Variants in PRTFDC1 observed in about 807,000 individuals in gnomAD.
The protein encoded by PRTFDC1 is phosphoribosyl transferase domain containing 1, also known as phosphoribosyltransferase domain-containing protein 1.
A neutral mutation model predicts 34.6 loss-of-function variants in PRTFDC1; 38 were observed. The observed-to-expected ratio is 1.10, with a 90% CI of 0.85 to 1.44. The LOEUF is 1.44. Among genes scored for constraint, PRTFDC1 ranks in the 40% most tolerant of loss-of-function variants. The pLI, the probability that PRTFDC1 is intolerant of heterozygous loss-of-function variation, is 0.00. For missense variants in PRTFDC1, 270 were observed against 283.0 expected, an observed-to-expected ratio of 0.95 and a Z score of 0.33; for synonymous variants, 93 against 98.1, an observed-to-expected ratio of 0.95 and a Z score of 0.31.
intron 3 of PRTFDC1, among the ~76,000 whole-genome samples, chr10:24,896,047 A>C (rs1241545810): frequency 6.6e-6 from 1 of 152,110 alleles, no homozygotes; most frequent in Non-Finnish European, 1.5e-5. Context: ...TGTACAGAGA[A>C]GGGCTTTTGG....
intron 3 of PRTFDC1, among the ~76,000 whole-genome samples, chr10:24,914,195 C>T (rs1429059825): frequency 2.6e-5 from 4 of 152,034 alleles, no homozygotes; most frequent in African/African-American, 7.2e-5. Flanking sequence ...CACAAGTAAA[C>T]ATTGTTTTAG....
chr10:24,852,187 C>CT lies in PRTFDC1; in HGVS notation c.554-724dup, dbSNP rs112816539. The stretch of plus-strand genomic sequence containing the variant: ...TGATGATTTTTTGTCAGAAAGGATT[C>CT]TTTTTTTTTTTCTGAGACCGAGTCT... On this transcript the variant is annotated intron_variant, in intron 7 of 8. Coordinates refer to ENST00000320152, the MANE Select transcript of PRTFDC1 (RefSeq NM_020200.7). 5.9e-3 allele frequency among the ~76,000 whole-genome samples: 871 copies of CT among 147,398 alleles called. 8 individuals are homozygous for CT. Among genetic ancestry groups the CT allele is most frequent in the Non-Finnish European group, 6.7e-3 (448 of 66,446 alleles).
chr10:24,939,593 G>A (rs1167565547), intron 2 of PRTFDC1, among the ~76,000 whole-genome samples: 1 of 151,748 alleles, frequency 6.6e-6, no homozygotes, highest in East Asian at 1.9e-4. Context: ...AGGAGATCAA[G>A]ACCATCCTGG....
At chr10:24,864,239 T>C (rs995661119) in intron 4 of PRTFDC1, among the ~76,000 whole-genome samples, 3 of 152,282 alleles carry the variant, frequency 2.0e-5, no homozygotes, top group Middle Eastern at 3.4e-3. Context: ...ATTGTTGAAA[T>C]GACAACAAAG....
intron 3 of PRTFDC1, among the ~76,000 whole-genome samples, chr10:24,921,823 C>A (rs1848794836): frequency 6.6e-6 from 1 of 151,878 alleles, no homozygotes; most frequent in South Asian, 2.1e-4. Context: ...TCCTTGAAAG[C>A]TACAGATTGT....
At chr10:24,878,583 C>T (rs985716244) in intron 3 of PRTFDC1, among the ~76,000 whole-genome samples, 1 of 152,176 alleles carries the variant, frequency 6.6e-6, no homozygotes, top group African/African-American at 2.4e-5. Flanking sequence ...GACCTTTAGT[C>T]ATGCATCTTT....
chr10:24,943,700 C>A (rs926526974), intron 1 of PRTFDC1, among the ~76,000 whole-genome samples: 5 of 152,004 alleles, frequency 3.3e-5, no homozygotes, highest in African/African-American at 1.2e-4. Context: ...CAGGTGTGTG[C>A]CACCATGCCC....
At chr10:24,949,739 A>ATT (rs201933925) in intron 1 of PRTFDC1, among the ~76,000 whole-genome samples, 5 of 117,014 alleles carry the variant, frequency 4.3e-5, no homozygotes, top group Non-Finnish European at 4.0e-5. Flanking sequence ...TTATTTATTT[A>ATT]TTTTTTTTTT....
Position 24,908,534 on chromosome 10 carries a change from C to T in PRTFDC1, c.339+28650G>A, listed in dbSNP as rs529212242. The T allele has an allele frequency of 9.9e-6, 16 of 1,612,666 alleles. No homozygotes were observed. In the East Asian group the frequency reaches 2.0e-4, roughly 20 times the overall value. The stretch of plus-strand genomic sequence containing the variant: ...CTGCTCTGATCTTGGTAACTGAAAC[C>T]GGATGTGGAAACAGGGAATGAGCAC... On this transcript the variant is annotated intron_variant, in intron 3 of 8. Transcript: ENST00000320152.
At chr10:24,851,768 C>T (rs766807957) in intron 7 of PRTFDC1, among the ~76,000 whole-genome samples, 22 of 151,832 alleles carry the variant, frequency 1.4e-4, no homozygotes, top group Admixed American at 2.6e-4. Flanking sequence ...AATTGAGTCA[C>T]GTGGCCCTGG....
intron 3 of PRTFDC1, among the ~76,000 whole-genome samples, chr10:24,889,159 C>G (rs1428921231): frequency 6.6e-6 from 1 of 152,016 alleles, no homozygotes; most frequent in Non-Finnish European, 1.5e-5. Flanking sequence ...GAAAAGAGAC[C>G]CCAAAGAGCT....
intron 7 of PRTFDC1, among the ~76,000 whole-genome samples, chr10:24,854,492 A>G (rs755880339): frequency 1.3e-5 from 2 of 152,186 alleles, no homozygotes; most frequent in Non-Finnish European, 2.9e-5. Context: ...CTTGCTGAAG[A>G]GAACTGTAGC....
In PRTFDC1 at chr10:24,883,785, T is replaced by C. The variant is rs548809942; in HGVS notation, c.340-11722A>G. The stretch of plus-strand genomic sequence containing the variant: ...AGTTTATGTTTTAAAATGTAGTTGA[T>C]GATATCCTAGCGGTGATCATTTCTT... On this transcript the variant is annotated intron_variant, in intron 3 of 8. Coordinates refer to ENST00000320152, the MANE Select transcript of PRTFDC1 (RefSeq NM_020200.7). Among the ~76,000 whole-genome samples, 10 of 151,106 alleles carry C rather than the reference T, an allele frequency of 6.6e-5. No homozygotes were observed. The South Asian group carries it at 1.7e-3, about 25-fold the overall frequency.
At chr10:24,949,093 C>T (rs1214409420) in intron 1 of PRTFDC1, among the ~76,000 whole-genome samples, 1 of 152,080 alleles carries the variant, frequency 6.6e-6, no homozygotes, top group Non-Finnish European at 1.5e-5. Flanking sequence ...ATTACCTGCC[C>T]TCTGCCCCTT....
intron 8 of PRTFDC1, among the ~76,000 whole-genome samples, chr10:24,850,663 T>C (rs938842240): frequency 3.3e-5 from 5 of 151,878 alleles, no homozygotes; most frequent in African/African-American, 7.3e-5. Flanking sequence ...GGGGAATTTA[T>C]TGGTGGAATA....
chr10:24,931,925 A>AG lies in PRTFDC1; in HGVS notation c.339+5258_339+5259insC, dbSNP rs58692265. On this transcript the variant is annotated intron_variant, in intron 3 of 8. Coordinates refer to ENST00000320152, the MANE Select transcript of PRTFDC1 (RefSeq NM_020200.7). ...AAAGGCACTATAAGAAAAAAAAAAA[A>AG]CAAAAAACTATGGTTTAATATCCTC... 5.5e-3 allele frequency among the ~76,000 whole-genome samples: 827 copies of AG among 151,550 alleles called. 7 individuals carry two copies. Among genetic ancestry groups the AG allele is most frequent in the African/African-American group, 0.019 (780 of 41,456 alleles).
intron 3 of PRTFDC1, among the ~76,000 whole-genome samples, chr10:24,892,534 C>T (rs947522696): frequency 1.3e-5 from 2 of 151,866 alleles, no homozygotes; most frequent in Non-Finnish European, 2.9e-5. Context: ...ATTGACCATT[C>T]GTATACGAGT....
chr10:24,854,572 GA>G lies in PRTFDC1; in HGVS notation c.553+745del, dbSNP rs113958592. Among the ~76,000 whole-genome samples, 443 of 151,338 alleles carry G rather than the reference GA, an allele frequency of 2.9e-3. 2 individuals carry two copies. Among genetic ancestry groups the G allele is most frequent in the African/African-American group, 0.01 (432 of 41,316 alleles). On this transcript the variant is annotated intron_variant, in intron 7 of 8. Transcript: ENST00000320152. ...CAAGCTGAAGTCTGCCTATGCAAGTGAAAAAAAATCGCCTCTAGTGTTAGAA... is the reference window on the plus strand; with the variant it reads ...CAAGCTGAAGTCTGCCTATGCAAGTGAAAAAAATCGCCTCTAGTGTTAGAA...
At chr10:24,923,402 G>A (rs1042597928) in intron 3 of PRTFDC1, among the ~76,000 whole-genome samples, 4 of 152,190 alleles carry the variant, frequency 2.6e-5, no homozygotes, top group Admixed American at 6.5e-5. Context: ...AAAAGGGGCC[G>A]ACAGACACCT....
Sources: allele counts gnomAD v4.1 joint callset (sites outside exome capture counted in the v4.1 genomes callset), GRCh38; gene constraint gnomAD v4.1.1; transcripts MANE v1.5; gene names NCBI Gene and HGNC (gene_info 2026-07-23, HGNC 2026-07-21).